Variants in NTM observed in about 807,000 individuals in gnomAD.
NTM encodes the protein neurotrimin.
A neutral mutation model predicts 42.1 loss-of-function variants in NTM; 13 were observed. That is an observed-to-expected ratio of 0.31 (90% confidence interval 0.20 to 0.49). NTM has a LOEUF of 0.49. NTM is among the 20% of genes least tolerant of loss of function. The probability of loss-of-function intolerance (pLI) is 0.99; values close to 1 mark genes in which losing one functional copy is unlikely to be tolerated. For missense variants in NTM, 373 were observed against 452.8 expected, an observed-to-expected ratio of 0.82 and a Z score of 1.60; for synonymous variants, 187 against 179.2, an observed-to-expected ratio of 1.04 and a Z score of -0.35.
At chr11:131,453,723 C>T (rs940714763) in intron 1 of NTM, among the ~76,000 whole-genome samples, 21 of 152,202 alleles carry the variant, frequency 1.4e-4, no homozygotes, top group African/African-American at 3.6e-4. Context: ...TCAGCTTCCA[C>T]GTCCATATGG....
chr11:132,288,283 A>T (rs1294295514), intron 4 of NTM, among the ~76,000 whole-genome samples: 1 of 152,196 alleles, frequency 6.6e-6, no homozygotes, highest in Non-Finnish European at 1.5e-5. Flanking sequence ...GAGAATATGG[A>T]GTTTCTCAGT....
chr11:131,915,731 G>A (rs552090920), intron 2 of NTM, among the ~76,000 whole-genome samples: 1 of 152,244 alleles, frequency 6.6e-6, no homozygotes, highest in African/African-American at 2.4e-5. Context: ...AAGGCAAAAG[G>A]CACATTTTAC....
At chr11:131,572,336 G>T (rs1304831868) in intron 1 of NTM, among the ~76,000 whole-genome samples, 2 of 152,110 alleles carry the variant, frequency 1.3e-5, no homozygotes, top group Non-Finnish European at 2.9e-5. Flanking sequence ...CTGATACAGA[G>T]AACAATTTAA....
chr11:131,733,979 A>G (rs2080077957), intron 1 of NTM, among the ~76,000 whole-genome samples: 2 of 152,220 alleles, frequency 1.3e-5, no homozygotes, highest in African/African-American at 4.8e-5. Context: ...TGTTGTTCAT[A>G]ATTTTTTGTC....
At chr11:131,601,422 A>G (rs2060476269) in intron 1 of NTM, among the ~76,000 whole-genome samples, 2 of 152,276 alleles carry the variant, frequency 1.3e-5, no homozygotes, top group South Asian at 4.1e-4. Context: ...ACAAAAATAG[A>G]GCAATTTACA....
intron 2 of NTM, among the ~76,000 whole-genome samples, chr11:132,096,574 G>A (rs573780379): frequency 1.3e-5 from 2 of 152,092 alleles, no homozygotes; most frequent in African/African-American, 2.4e-5. Flanking sequence ...AACTCCCCCC[G>A]CCCTCTAGGG....
At chr11:132,217,633 A>T (rs2084181543) in intron 4 of NTM, among the ~76,000 whole-genome samples, 1 of 151,972 alleles carries the variant, frequency 6.6e-6, no homozygotes, top group Non-Finnish European at 1.5e-5. Context: ...TGAAGTGGGT[A>T]CATCTGCGTG....
At chr11:132,152,183 C>A (rs1278281114) in intron 3 of NTM, among the ~76,000 whole-genome samples, 1 of 152,202 alleles carries the variant, frequency 6.6e-6, no homozygotes, top group Non-Finnish European at 1.5e-5. Flanking sequence ...ACTTTGAAAG[C>A]AAAGCTTTCT....
chr11:132,165,724 G>T (rs567929985), intron 3 of NTM, among the ~76,000 whole-genome samples: 2 of 152,146 alleles, frequency 1.3e-5, no homozygotes, highest in Non-Finnish European at 2.9e-5. Context: ...CGACTGTGGG[G>T]CTGTTCCATC....
At chr11:131,433,146 T>C (rs1025834702) in intron 1 of NTM, among the ~76,000 whole-genome samples, 5 of 152,100 alleles carry the variant, frequency 3.3e-5, no homozygotes, top group African/African-American at 1.2e-4. Flanking sequence ...CGTGAGCCAC[T>C]GCGCCCAGCC....
chr11:131,755,908 G>T (rs1300779843), intron 1 of NTM, among the ~76,000 whole-genome samples: 1 of 152,210 alleles, frequency 6.6e-6, no homozygotes, highest in Non-Finnish European at 1.5e-5. Context: ...AGAGGCAATA[G>T]AAGCATTAGC....
At chr11:131,818,217 G>T (rs377325562) in intron 1 of NTM, among the ~76,000 whole-genome samples, 2 of 147,962 alleles carry the variant, frequency 1.4e-5, no homozygotes, top group African/African-American at 5.3e-5. Flanking sequence ...CAGTCCTGTC[G>T]GTATCTCCTC....
At chr11:132,098,571 C>T (rs548412982) in intron 2 of NTM, among the ~76,000 whole-genome samples, 10 of 152,338 alleles carry the variant, frequency 6.6e-5, no homozygotes, top group South Asian at 2.1e-4. Context: ...GTCCCTGTCC[C>T]GATCTAATGC....
chr11:132,330,662 A>C (rs964943283), intron 8 of NTM, among the ~76,000 whole-genome samples: 7 of 152,174 alleles, frequency 4.6e-5, no homozygotes, highest in Admixed American at 4.6e-4. Context: ...TTGGCTACGA[A>C]TAAAATGCAT....
intron 1 of NTM, among the ~76,000 whole-genome samples, chr11:131,718,103 T>G (rs1298465600): frequency 6.6e-6 from 1 of 152,186 alleles, no homozygotes; most frequent in Non-Finnish European, 1.5e-5. Flanking sequence ...TGAATTCAAT[T>G]TACTAACAGT....
Position 132,003,351 on chromosome 11 carries a change from T to G in NTM, c.167+91703T>G, listed in dbSNP as rs1029010441. Among the ~76,000 whole-genome samples the G allele has an allele frequency of 6.6e-6, 1 of 151,872 alleles. No individual in the cohort carries two copies. Among genetic ancestry groups the G allele is most frequent in the Non-Finnish European group, 1.5e-5 (1 of 68,004 alleles). On this transcript the variant is annotated intron_variant, in intron 2 of 8. Coordinates refer to ENST00000683400, the MANE Select transcript of NTM (RefSeq NM_001352005.2). This position sits in a 1 kb window ranked among gnomAD's most constrained non-coding sequence, Gnocchi z 6.0. Reference sequence around the variant, plus strand: ...GCCTCAACCTCCTGGGCTCAAATGATCCTCACACCTCAGCCTCCCTAGTAG... The same window carrying G: ...GCCTCAACCTCCTGGGCTCAAATGAGCCTCACACCTCAGCCTCCCTAGTAG...
intron 4 of NTM, among the ~76,000 whole-genome samples, chr11:132,241,658 A>T (rs757252481): frequency 6.6e-6 from 1 of 152,222 alleles, no homozygotes; most frequent in Admixed American, 6.5e-5. Flanking sequence ...GAAGCTGATA[A>T]TGAATTGTTC....
At position 132,282,251 on chromosome 11, in the gene NTM, A is replaced by G. The variant is rs143348533; in HGVS notation, c.527-25438A>G. On this transcript the variant is annotated intron_variant, in intron 4 of 8. Transcript: ENST00000683400. The stretch of plus-strand genomic sequence containing the variant: ...GTATTGACTGGGCTGAGACATCAAT[A>G]TTTGCATTGTTGTAAACATTTTTAA... 2.6e-5 allele frequency among the ~76,000 whole-genome samples: 4 copies of G among 152,322 alleles called. No homozygotes were observed. In the East Asian group the frequency reaches 7.7e-4, roughly 29 times the overall value.
At chr11:132,251,288 C>T (rs1170402428) in intron 4 of NTM, among the ~76,000 whole-genome samples, 1 of 152,186 alleles carries the variant, frequency 6.6e-6, no homozygotes, top group African/African-American at 2.4e-5. Context: ...TTCAATTTAC[C>T]TGACTCAGCA....
Sources: gnomAD v4.1 joint callset for allele counts (sites outside exome capture counted in the v4.1 genomes callset) on GRCh38, gnomAD v4.1.1 for gene constraint, Gnocchi (gnomAD v3.1) non-coding constraint, MANE v1.5 for transcripts, NCBI Gene and HGNC (gene_info 2026-07-23, HGNC 2026-07-21) for gene names.